The following CRACD variants were observed in gnomAD, a reference collection of about 807,000 sequenced individuals.
CRACD encodes capping protein-inhibiting regulator of actin dynamics.
CRACD carries 56 observed loss-of-function variants against 106.8 expected under a neutral mutation model. That is an observed-to-expected ratio of 0.52 (90% CI 0.42 to 0.66). The LOEUF (loss-of-function observed/expected upper bound fraction) is 0.66, where lower values mean the gene tolerates loss of function less well. Ranked by LOEUF, CRACD falls within the 30% of genes least tolerant of loss-of-function variation. CRACD has a pLI of 0.00. For synonymous variants in CRACD, 754 were observed against 670.8 expected (o/e 1.12, Z -1.92); for missense variants, 1,730 against 1,623.2 (o/e 1.07, Z -1.13).
intron 2 of CRACD, among the ~76,000 whole-genome samples, chr4:56,207,155 C>A (rs1173577587): frequency 3.9e-5 from 6 of 152,228 alleles, no homozygotes; most frequent in South Asian, 2.1e-4. Flanking sequence ...TTCCTTACAA[C>A]TGAATCTCTG....
intron 1 of CRACD, among the ~76,000 whole-genome samples, chr4:56,167,922 C>G (rs1736210854): frequency 6.6e-6 from 1 of 152,168 alleles, no homozygotes; most frequent in Admixed American, 6.5e-5. Flanking sequence ...ACCTAGTATC[C>G]TAAAACCCTG....
intron 2 of CRACD, among the ~76,000 whole-genome samples, chr4:56,192,467 A>G (rs1388814600): frequency 6.6e-6 from 1 of 152,166 alleles, no homozygotes; most frequent in Non-Finnish European, 1.5e-5. Flanking sequence ...TGCCCAACAG[A>G]TTTCAGCAAC....
At chr4:56,260,306 G>A (rs559651773) in intron 2 of CRACD, among the ~76,000 whole-genome samples, 10 of 152,298 alleles carry the variant, frequency 6.6e-5, no homozygotes, top group African/African-American at 2.4e-4. Context: ...AAGTGTGAAC[G>A]CCACCCAGGG....
intron 1 of CRACD, among the ~76,000 whole-genome samples, chr4:56,055,733 T>A (rs1165351343): frequency 6.6e-6 from 1 of 152,218 alleles, no homozygotes; most frequent in Non-Finnish European, 1.5e-5. Flanking sequence ...ATGGGTTAAC[T>A]GTCTTCTAGA....
intron 3 of CRACD, among the ~76,000 whole-genome samples, chr4:56,278,507 A>C (rs1481350913): frequency 6.6e-6 from 1 of 152,242 alleles, no homozygotes. Context: ...AAATTAACTC[A>C]AAATGGATCA....
chr4:56,228,021 C>T (rs904308922), intron 2 of CRACD, among the ~76,000 whole-genome samples: 5 of 152,116 alleles, frequency 3.3e-5, no homozygotes, highest in South Asian at 2.1e-4. Context: ...AGTCATGCTG[C>T]GTGTTCTCCT....
intron 1 of CRACD, among the ~76,000 whole-genome samples, chr4:56,143,903 T>G (rs1248699711): frequency 1.3e-5 from 2 of 152,144 alleles, no homozygotes; most frequent in African/African-American, 4.8e-5. Flanking sequence ...GGGATGGAGT[T>G]AAGAAAAGAG....
chr4:56,097,435 C>T (rs999066894), intron 1 of CRACD: 28 of 152,762 alleles, frequency 1.8e-4, no homozygotes, highest in Admixed American at 1.5e-3. Context: ...CGTCTGATCT[C>T]GGAAGCTAAG....
chr4:56,300,067 G>A (rs1744278250), intron 4 of CRACD, among the ~76,000 whole-genome samples: 1 of 152,100 alleles, frequency 6.6e-6, no homozygotes, highest in African/African-American at 2.4e-5. Flanking sequence ...GAACCCGGGA[G>A]GTGGAGGTTG....
chr4:56,116,504 T>C (rs928267082), intron 1 of CRACD, among the ~76,000 whole-genome samples: 12 of 152,204 alleles, frequency 7.9e-5, no homozygotes, highest in African/African-American at 2.7e-4. Flanking sequence ...TATAGAGGGA[T>C]CTGTGCTTCA....
chr4:56,310,230 C>T (rs1342219998), intron 5 of CRACD, among the ~76,000 whole-genome samples: 3 of 152,054 alleles, frequency 2.0e-5, no homozygotes, highest in Admixed American at 6.6e-5. Context: ...AGTTGGTAGG[C>T]CTTCTTTCTT....
chr4:56,296,922 T>TTG (rs1553918346), intron 3 of CRACD, among the ~76,000 whole-genome samples: 7 of 33,532 alleles, frequency 2.1e-4, no homozygotes, highest in African/African-American at 4.4e-4. Context: ...TTTTGTTTGT[T>TTG]TTTTTTTTTT....
At chr4:56,235,163 G>GA (rs1227183783) in intron 2 of CRACD, among the ~76,000 whole-genome samples, 1 of 152,090 alleles carries the variant, frequency 6.6e-6, no homozygotes, top group African/African-American at 2.4e-5. Flanking sequence ...GGGAGTAGGG[G>GA]AAAAAATTGT....
Position 56,260,611 on chromosome 4 carries a change from G to A in CRACD, c.-188-11710G>A, listed in dbSNP as rs553133158. On this transcript the variant is annotated intron_variant, in intron 2 of 10. Coordinates refer to ENST00000682029, the MANE Select transcript of CRACD (RefSeq NM_001393381.1). The stretch of plus-strand genomic sequence containing the variant: ...TAGGTGTAATGAAAGTCCACAGTCA[G>A]TTGACTTTAAGTAAGGGAGATTACT... Among the ~76,000 whole-genome samples, 3 of 152,262 alleles carry A rather than the reference G, an allele frequency of 2.0e-5. No homozygotes were observed. In the South Asian group the frequency reaches 6.2e-4, roughly 32 times the overall value.
rs1314022209 is a variant in CRACD, at chr4:56,314,471, G to GCAGGCC, written c.978_983dup (p.Gln328_Ala329dup). Reference sequence around the variant, plus strand: ...AGGCGGAGGAGGAGCGAAGGCGTCTGCAGGCCCAGGCCCAAGCGGAGGAGA... The same window carrying GCAGGCC: ...AGGCGGAGGAGGAGCGAAGGCGTCTGCAGGCCCAGGCCCAGGCCCAAGCGGAGGAGA... On this transcript the variant is annotated inframe_insertion, in exon 8 of 11. Coordinates refer to ENST00000682029, the MANE Select transcript of CRACD (RefSeq NM_001393381.1). This position sits in a 1 kb window ranked among gnomAD's most constrained non-coding sequence, Gnocchi z 4.4. 1 of 1,533,690 alleles carries GCAGGCC rather than the reference G, an allele frequency of 6.5e-7. No homozygotes were observed. The highest frequency in any genetic ancestry group is 2.1e-5 in the Admixed American group (1 of 48,610).
chr4:56,247,652 C>T (rs1740759341), intron 2 of CRACD, among the ~76,000 whole-genome samples: 1 of 152,098 alleles, frequency 6.6e-6, no homozygotes, highest in Admixed American at 6.6e-5. Context: ...TCAAGACCAG[C>T]CTGGCCAGCA....
intron 2 of CRACD, among the ~76,000 whole-genome samples, chr4:56,226,186 C>T (rs1243851046): frequency 2.0e-5 from 3 of 152,160 alleles, no homozygotes; most frequent in Non-Finnish European, 2.9e-5. Flanking sequence ...CCTTAATCAT[C>T]ATTGAATGTA....
At chr4:56,151,121 C>G (rs1270016383) in intron 1 of CRACD, among the ~76,000 whole-genome samples, 1 of 152,146 alleles carries the variant, frequency 6.6e-6, no homozygotes, top group Non-Finnish European at 1.5e-5. Flanking sequence ...CTCAGCCTCC[C>G]GAGTAGCTGG....
At chr4:56,226,844 CTG>C (rs71593590) in intron 2 of CRACD, among the ~76,000 whole-genome samples, 21,120 of 151,492 alleles carry the variant, frequency 0.14, 2,296 homozygotes, top group East Asian at 0.58. Flanking sequence ...CTCTCTCTCT[CTG>C]TGTGTGTCTC....
Sources: gnomAD v4.1 joint callset for allele counts (sites outside exome capture counted in the v4.1 genomes callset) on GRCh38, gnomAD v4.1.1 for gene constraint, Gnocchi (gnomAD v3.1) non-coding constraint, MANE v1.5 for transcripts, NCBI Gene and HGNC (gene_info 2026-07-23, HGNC 2026-07-21) for gene names.